The following NTM variants were observed in gnomAD, a reference collection of about 807,000 sequenced individuals.
The protein encoded by NTM is neurotrimin.
In NTM, 13 loss-of-function variants were observed where a neutral mutation model predicts 42.1. That is an observed-to-expected ratio of 0.31 (90% CI 0.20 to 0.49). The LOEUF (loss-of-function observed/expected upper bound fraction) is 0.49, where lower values mean the gene tolerates loss of function less well. Ranked by LOEUF, NTM falls within the 20% of genes least tolerant of loss-of-function variation. The pLI, the probability that NTM is intolerant of heterozygous loss-of-function variation, is 0.99. For synonymous variants in NTM, 187 were observed against 179.2 expected, an observed-to-expected ratio of 1.04 and a Z score of -0.35; for missense variants, 373 against 452.8, an observed-to-expected ratio of 0.82 and a Z score of 1.60.
intron 1 of NTM, among the ~76,000 whole-genome samples, chr11:131,658,609 C>T (rs1428314994): frequency 6.6e-6 from 1 of 152,220 alleles, no homozygotes; most frequent in Non-Finnish European, 1.5e-5. Flanking sequence ...TTAGAGGTTC[C>T]TGGTCTGCGG....
intron 1 of NTM, among the ~76,000 whole-genome samples, chr11:131,509,292 C>T (rs564424093): frequency 1.3e-5 from 2 of 152,210 alleles, no homozygotes; most frequent in Admixed American, 1.3e-4. Context: ...GGTTTTGGTG[C>T]CACTCTGCAT....
At chr11:132,055,332 C>T (rs781743315) in intron 2 of NTM, among the ~76,000 whole-genome samples, 47 of 152,124 alleles carry the variant, frequency 3.1e-4, no homozygotes, top group Non-Finnish European at 4.1e-4. Flanking sequence ...ATGGTGAGGC[C>T]GGCATGCCCA....
At chr11:131,652,225 A>T (rs1254331438) in intron 1 of NTM, among the ~76,000 whole-genome samples, 1 of 152,220 alleles carries the variant, frequency 6.6e-6, no homozygotes, top group South Asian at 2.1e-4. Flanking sequence ...ATGGAGGTAA[A>T]TGGCTATACA....
At chr11:132,137,035 T>G (rs957630117) in intron 2 of NTM, among the ~76,000 whole-genome samples, 1 of 152,228 alleles carries the variant, frequency 6.6e-6, no homozygotes, top group Non-Finnish European at 1.5e-5. Flanking sequence ...CTAGTTTGCC[T>G]GAATACATCC....
intron 1 of NTM, chr11:131,539,587 A>G (rs2052859985): frequency 6.6e-6 from 1 of 152,252 alleles, no homozygotes; most frequent in Admixed American, 6.5e-5. Context: ...GCCTAATTCC[A>G]TGGGACCATT....
intron 4 of NTM, among the ~76,000 whole-genome samples, chr11:132,228,672 A>G (rs1234260073): frequency 3.3e-5 from 5 of 152,162 alleles, no homozygotes; most frequent in Non-Finnish European, 7.3e-5. Flanking sequence ...GTTTTCCTCC[A>G]CATCATTCTG....
intron 3 of NTM, among the ~76,000 whole-genome samples, chr11:132,210,118 T>C (rs1006768684): frequency 6.6e-6 from 1 of 152,196 alleles, no homozygotes; most frequent in Admixed American, 6.5e-5. Context: ...AAAGTCATCG[T>C]GCAGCTTCCC....
At chr11:131,758,281 T>C (rs559141098) in intron 1 of NTM, among the ~76,000 whole-genome samples, 1 of 150,914 alleles carries the variant, frequency 6.6e-6, no homozygotes, top group Admixed American at 6.6e-5. Context: ...CCAACCCCGC[T>C]AGCTAATTGT....
At chr11:132,230,757 C>T (rs570365623) in intron 4 of NTM, among the ~76,000 whole-genome samples, 8 of 152,274 alleles carry the variant, frequency 5.3e-5, no homozygotes, top group South Asian at 2.1e-4. Context: ...GGTGTGGTGG[C>T]GCACACCTGT....
At chr11:132,293,203 G>A (rs2094507913) in intron 4 of NTM, among the ~76,000 whole-genome samples, 1 of 152,150 alleles carries the variant, frequency 6.6e-6, no homozygotes, top group Non-Finnish European at 1.5e-5. Flanking sequence ...TGATGGAAGA[G>A]GAAGAGGCAG....
chr11:131,794,137 G>A (rs2136171690), intron 1 of NTM, among the ~76,000 whole-genome samples: 1 of 152,268 alleles, frequency 6.6e-6, no homozygotes, highest in Non-Finnish European at 1.5e-5. Context: ...GGGGCTTGGA[G>A]GGTGTGGAGT....
chr11:131,551,713 G>A (rs2054692572), intron 1 of NTM, among the ~76,000 whole-genome samples: 1 of 152,172 alleles, frequency 6.6e-6, no homozygotes, highest in Non-Finnish European at 1.5e-5. Context: ...GCCCTTGAGA[G>A]GATCGACACA....
chr11:131,712,122 T>G (rs2077220353), intron 1 of NTM, among the ~76,000 whole-genome samples: 2 of 136,100 alleles, frequency 1.5e-5, no homozygotes, highest in South Asian at 2.3e-4. Context: ...CCCTAAAACT[T>G]AAAGTATAAT....
In NTM at chr11:131,887,996, C is replaced by T. The variant is rs115382883; in HGVS notation, c.83-23568C>T. The stretch of plus-strand genomic sequence containing the variant: ...GAAATCTCAGCTTCTGGCTTCAGTG[C>T]CTATACTTTGAGTTGCTACTCAAAA... On this transcript the variant is annotated intron_variant, in intron 1 of 8. Transcript: ENST00000683400. 5.5e-3 allele frequency among the ~76,000 whole-genome samples: 830 copies of T among 152,252 alleles called. 5 individuals are homozygous for T. Among genetic ancestry groups the T allele is most frequent in the African/African-American group, 0.019 (784 of 41,524 alleles).
Position 132,208,567 on chromosome 11 carries a change from T to C in NTM, c.401-3455T>C, listed in dbSNP as rs375718560. ...AAGCATGAGGTGCGATTGTCTCATTTAATATACTTACTGCACTGACAGCTC... is the reference window on the plus strand; with the variant it reads ...AAGCATGAGGTGCGATTGTCTCATTCAATATACTTACTGCACTGACAGCTC... On this transcript the variant is annotated intron_variant, in intron 3 of 8. Coordinates refer to ENST00000683400, the MANE Select transcript of NTM (RefSeq NM_001352005.2). 3.9e-5 allele frequency among the ~76,000 whole-genome samples: 6 copies of C among 152,322 alleles called. No individual in the cohort carries two copies. The East Asian group carries it at 1.2e-3, about 29-fold the overall frequency.
chr11:131,586,752 T>A (rs949805385), intron 1 of NTM, among the ~76,000 whole-genome samples: 21 of 152,178 alleles, frequency 1.4e-4, no homozygotes, highest in African/African-American at 5.1e-4. Flanking sequence ...GACTCTTTTC[T>A]CCTCTTAAGG....
intron 1 of NTM, among the ~76,000 whole-genome samples, chr11:131,565,174 C>G (rs1033131546): frequency 6.6e-6 from 1 of 152,216 alleles, no homozygotes; most frequent in Non-Finnish European, 1.5e-5. Flanking sequence ...AGGGAGCAGC[C>G]CCCTTCCTGC....
intron 3 of NTM, among the ~76,000 whole-genome samples, chr11:132,181,877 C>G (rs1430516867): frequency 1.3e-5 from 2 of 151,818 alleles, no homozygotes; most frequent in Non-Finnish European, 2.9e-5. Flanking sequence ...AGGTGACATT[C>G]CTATGCTGCA....
intron 2 of NTM, among the ~76,000 whole-genome samples, chr11:131,914,425 T>C (rs1235763255): frequency 6.6e-6 from 1 of 152,150 alleles, no homozygotes; most frequent in Non-Finnish European, 1.5e-5. Flanking sequence ...TCCATCTTCC[T>C]ATGGGTGATT....
Sources: gnomAD v4.1 joint callset for allele counts (sites outside exome capture counted in the v4.1 genomes callset) on GRCh38, gnomAD v4.1.1 for gene constraint, MANE v1.5 for transcripts, NCBI Gene and HGNC (gene_info 2026-07-23, HGNC 2026-07-21) for gene names.